RP1: variants seen among roughly 807,000 people sequenced by gnomAD.
RP1 encodes the protein RP1 axonemal microtubule associated, also known as oxygen-regulated protein 1.
A neutral mutation model predicts 14.8 loss-of-function variants in RP1; 16 were observed. The ratio of observed to expected loss-of-function variants is 1.08; its 90% CI spans 0.73 to 1.65. RP1 has a LOEUF of 1.65. RP1 is among the 40% of genes most tolerant of loss of function. The pLI, the probability that RP1 is intolerant of heterozygous loss-of-function variation, is 0.00. For missense variants in RP1, 2,631 were observed against 2,535.0 expected, an observed-to-expected ratio of 1.04 and a Z score of -0.81; for synonymous variants, 876 against 883.6, an observed-to-expected ratio of 0.99 and a Z score of 0.15.
intron 3 of RP1, among the ~76,000 whole-genome samples, chr8:54,638,058 A>T (rs1219529880): frequency 6.6e-6 from 1 of 152,128 alleles, no homozygotes; most frequent in Non-Finnish European, 1.5e-5. Flanking sequence ...ACATCCTGGG[A>T]ATCTCCTTTT....
chr8:54,802,398 T>G (rs1166970678), intron 24 of RP1, among the ~76,000 whole-genome samples: 1 of 152,196 alleles, frequency 6.6e-6, no homozygotes, highest in Non-Finnish European at 1.5e-5. Flanking sequence ...ATAGAAAATG[T>G]TAAGCATTTG....
At chr8:54,693,890 T>C (rs1267684389) in intron 12 of RP1, among the ~76,000 whole-genome samples, 2 of 152,274 alleles carry the variant, frequency 1.3e-5, no homozygotes, top group East Asian at 1.9e-4. Context: ...CATCCCTGTC[T>C]CGTGCCAGTT....
At chr8:54,756,809 A>C (rs1404641954) in intron 21 of RP1, among the ~76,000 whole-genome samples, 1 of 152,108 alleles carries the variant, frequency 6.6e-6, no homozygotes, top group Non-Finnish European at 1.5e-5. Flanking sequence ...AGCATGTATC[A>C]TTTTGCAGCA....
chr8:54,802,775 A>C (rs896493790), intron 24 of RP1, among the ~76,000 whole-genome samples: 18 of 152,210 alleles, frequency 1.2e-4, no homozygotes, highest in African/African-American at 4.1e-4. Context: ...AGATGCCAGA[A>C]GTGTTATGAG....
At chr8:54,697,178 T>A (rs1807888593) in intron 12 of RP1, 1 of 772,566 alleles carries the variant, frequency 1.3e-6, no homozygotes, top group Non-Finnish European at 2.2e-6. Flanking sequence ...GAAGCATGTG[T>A]TTCCTTTTTT....
In RP1 at chr8:54,627,471, A is replaced by G. The variant is rs201446128; in HGVS notation, c.3589A>G (p.Ser1197Gly). ...VESTTSHFGL[S>G]EKEQDMVPID... The stretch of plus-strand genomic sequence containing the variant: ...GTCAACTACAAGCCACTTTGGACTC[A>G]GTGAGAAAGAACAAGACATGGTTCC... The change falls in exon 4 of 4, where the codon AGT becomes GGT. Residue 1197 changes from serine to glycine, a missense_variant. Ser to Gly is a moderately conservative substitution (Grantham distance 56). Coordinates refer to ENST00000220676, the MANE Select transcript of RP1 (RefSeq NM_006269.2). The G allele has an allele frequency of 1.9e-4, 302 of 1,614,060 alleles. 1 individual carries two copies. In the Middle Eastern group the frequency reaches 3.3e-3, roughly 18 times the overall value.
At chr8:54,673,199 G>A (rs867039273) in intron 7 of RP1, among the ~76,000 whole-genome samples, 1 of 151,988 alleles carries the variant, frequency 6.6e-6, no homozygotes, top group Non-Finnish European at 1.5e-5. Context: ...TTCACTTAGC[G>A]ATATTTGAGG....
At chr8:54,759,967 C>G (rs1395076855) in intron 22 of RP1, among the ~76,000 whole-genome samples, 1 of 152,066 alleles carries the variant, frequency 6.6e-6, no homozygotes, top group Admixed American at 6.5e-5. Flanking sequence ...TAACAAAGTA[C>G]AGGCAAAATA....
intron 7 of RP1, among the ~76,000 whole-genome samples, chr8:54,669,771 A>G (rs1030780717): frequency 1.3e-5 from 2 of 152,036 alleles, no homozygotes; most frequent in Non-Finnish European, 2.9e-5. Context: ...GCAAACTATC[A>G]CAAGGACAGA....
At chr8:54,576,340 C>T (rs1039970169) in intron 1 of RP1, among the ~76,000 whole-genome samples, 3 of 152,310 alleles carry the variant, frequency 2.0e-5, no homozygotes, top group Non-Finnish European at 2.9e-5. Context: ...CCACCGCGCC[C>T]GGCCAGAACA....
chr8:54,691,823 A>T (rs908205171), intron 12 of RP1, among the ~76,000 whole-genome samples: 41 of 151,708 alleles, frequency 2.7e-4, no homozygotes, highest in Non-Finnish European at 2.4e-4. Flanking sequence ...ATTTTATTTT[A>T]TTATTATTAT....
intron 15 of RP1, among the ~76,000 whole-genome samples, chr8:54,717,654 T>A (rs1808435227): frequency 6.6e-6 from 1 of 152,174 alleles, no homozygotes; most frequent in Non-Finnish European, 1.5e-5. Context: ...TACTTAATAG[T>A]GAGAAACTGG....
chr8:54,644,329 T>A (rs2129323661), intron 3 of RP1, among the ~76,000 whole-genome samples: 1 of 152,338 alleles, frequency 6.6e-6, no homozygotes, highest in Admixed American at 6.5e-5. Flanking sequence ...GGTGGTAGCC[T>A]ACCCACTCAG....
chr8:54,821,989 T>C (rs1811266030), intron 24 of RP1, among the ~76,000 whole-genome samples: 1 of 152,318 alleles, frequency 6.6e-6, no homozygotes, highest in African/African-American at 2.4e-5. Context: ...AAGGCTTCCA[T>C]TGGCTAAGCT....
At chr8:54,720,094 C>A in intron 15 of RP1, 1 of 1,417,262 alleles carries the variant, frequency 7.1e-7, no homozygotes, top group Non-Finnish European at 9.3e-7. Flanking sequence ...TTAGGACTTG[C>A]TCACATTTAT....
At chr8:54,634,438 GT>G (rs1421194919), downstream of RP1, among the ~76,000 whole-genome samples, 2 of 152,222 alleles carry the variant, frequency 1.3e-5, no homozygotes, top group East Asian at 3.9e-4. Context: ...CATTATCTGT[GT>G]TTTTACAATT....
In RP1 at chr8:54,661,045, G is replaced by A. The variant is rs987781826; in HGVS notation, c.1172-2654G>A. ...AATAATAAGGAAGCCTGAGTGTGGT[G>A]GTTTACACTTGTAATCCCAGCACTT... On this transcript the variant is annotated intron_variant, in intron 6 of 22. Transcript: ENST00000636932. Among the ~76,000 whole-genome samples, 5 of 150,966 alleles carry A rather than the reference G, an allele frequency of 3.3e-5. No homozygotes were observed. The South Asian group carries it at 1.0e-3, about 31-fold the overall frequency.
chr8:54,650,693 C>G (rs1806638906), intron 4 of RP1, among the ~76,000 whole-genome samples: 1 of 142,642 alleles, frequency 7.0e-6, no homozygotes, highest in Non-Finnish European at 1.5e-5. Context: ...CCCTCCTCCC[C>G]TCCCCTCCCC....
chr8:54,568,588 A>G (rs1443646206), intron 1 of RP1, among the ~76,000 whole-genome samples: 1 of 152,226 alleles, frequency 6.6e-6, no homozygotes, highest in Non-Finnish European at 1.5e-5. Flanking sequence ...GTACTTCTTC[A>G]GCTGACACCA....
Sources: gnomAD v4.1 joint callset for allele counts (sites outside exome capture counted in the v4.1 genomes callset) on GRCh38, gnomAD v4.1.1 for gene constraint, MANE v1.5 for transcripts, NCBI Gene and HGNC (gene_info 2026-07-23, HGNC 2026-07-21) for gene names.